Variants in CTNNA2 observed in about 807,000 individuals in gnomAD.
CTNNA2 encodes catenin alpha-2.
A neutral mutation model predicts 101.0 loss-of-function variants in CTNNA2; 42 were observed. The ratio of observed to expected loss-of-function variants is 0.42; its 90% CI spans 0.32 to 0.54. The LOEUF (loss-of-function observed/expected upper bound fraction) is 0.54. CTNNA2 is among the 20% of genes least tolerant of loss of function. CTNNA2 has a pLI of 0.14. For missense variants in CTNNA2, 871 were observed against 1,223.1 expected (o/e 0.71, Z 4.29); for synonymous variants, 450 against 456.4 (o/e 0.99, Z 0.18).
chr2:80,476,161 C>T (rs991003089), intron 9 of CTNNA2, among the ~76,000 whole-genome samples: 5 of 152,044 alleles, frequency 3.3e-5, no homozygotes, highest in Admixed American at 6.6e-5. Flanking sequence ...GAACCCATGA[C>T]CACAGATGAT....
intron 7 of CTNNA2, among the ~76,000 whole-genome samples, chr2:80,155,749 G>A (rs1237966459): frequency 1.3e-5 from 2 of 152,188 alleles, no homozygotes; most frequent in South Asian, 2.1e-4. Flanking sequence ...GTTCCCTTGG[G>A]CTATTTTGAC....
At position 80,138,160 on chromosome 2, in the gene CTNNA2, A is replaced by G. The variant is rs200591667; in HGVS notation, c.1056+228363A>G. Among the ~76,000 whole-genome samples the G allele has an allele frequency of 2.6e-5, 4 of 152,282 alleles. No individual in the cohort carries two copies. In the East Asian group the frequency reaches 7.7e-4, roughly 29 times the overall value. ...TAGCAGAAGAGGGAATAAACAATCA[A>G]TTCACCCCAGTGTCAACAGAGTGGT... On this transcript the variant is annotated intron_variant, in intron 7 of 18. Transcript: ENST00000402739.
At chr2:79,714,382 T>C (rs958439182) in intron 2 of CTNNA2, among the ~76,000 whole-genome samples, 5 of 152,194 alleles carry the variant, frequency 3.3e-5, no homozygotes, top group Admixed American at 2.6e-4. Context: ...CACTGGAGAA[T>C]TGCAGTCATG....
chr2:80,226,636 TCC>T (rs1311458312), intron 7 of CTNNA2, among the ~76,000 whole-genome samples: 1 of 152,152 alleles, frequency 6.6e-6, no homozygotes, highest in Non-Finnish European at 1.5e-5. Context: ...TCTTCATATC[TCC>T]CTCCACCCTA....
chr2:79,882,552 C>G (rs1342318500), intron 6 of CTNNA2, among the ~76,000 whole-genome samples: 1 of 152,212 alleles, frequency 6.6e-6, no homozygotes, highest in Non-Finnish European at 1.5e-5. Flanking sequence ...AGCTGTCCAG[C>G]CTCCCTGGCT....
intron 2 of CTNNA2, among the ~76,000 whole-genome samples, chr2:79,225,753 C>T (rs910371509): frequency 7.2e-5 from 11 of 152,134 alleles, no homozygotes; most frequent in African/African-American, 2.7e-4. Flanking sequence ...GAATGAGGTA[C>T]TATGTGCAGA....
chr2:80,169,280 C>G (rs779186631), intron 7 of CTNNA2, among the ~76,000 whole-genome samples: 1 of 152,030 alleles, frequency 6.6e-6, no homozygotes, highest in Non-Finnish European at 1.5e-5. Context: ...GTCATGAGCA[C>G]GAAATTCCTC....
chr2:80,347,141 G>A (rs1246592059), intron 7 of CTNNA2, among the ~76,000 whole-genome samples: 4 of 152,282 alleles, frequency 2.6e-5, no homozygotes, highest in East Asian at 1.9e-4. Context: ...AGCGAGCACC[G>A]CAGTGGCAGA....
chr2:80,185,649 T>A (rs1400355689), intron 7 of CTNNA2, among the ~76,000 whole-genome samples: 6 of 152,196 alleles, frequency 3.9e-5, no homozygotes, highest in African/African-American at 9.6e-5. Flanking sequence ...GAATGGAGTG[T>A]TTCTCAATCC....
At position 79,903,195 on chromosome 2, in the gene CTNNA2, G is replaced by T. The variant is rs116984706; in HGVS notation, c.853-6399G>T. 6.8e-4 allele frequency among the ~76,000 whole-genome samples: 103 copies of T among 152,194 alleles called. No individual in the cohort carries two copies. The East Asian group carries it at 0.019, about 29-fold the overall frequency. ...TGTCTCCTTCTCCCTCATTGTCATA[G>T]CCTATATATTTTCAAATCCTGCCAG... On this transcript the variant is annotated intron_variant, in intron 6 of 18. Transcript: ENST00000402739.
intron 3 of CTNNA2, among the ~76,000 whole-genome samples, chr2:79,369,937 A>G (rs1677833884): frequency 6.6e-6 from 1 of 152,214 alleles, no homozygotes; most frequent in African/African-American, 2.4e-5. Flanking sequence ...GTGTTTGCAT[A>G]TTATCTACAA....
At chr2:79,811,175 C>A (rs949742133) in intron 3 of CTNNA2, among the ~76,000 whole-genome samples, 2 of 152,052 alleles carry the variant, frequency 1.3e-5, no homozygotes, top group African/African-American at 4.8e-5. Flanking sequence ...TTCTGCACAA[C>A]CTCTCCAGCA....
intron 7 of CTNNA2, among the ~76,000 whole-genome samples, chr2:80,306,395 T>TTTC (rs1360564199): frequency 3.0e-5 from 4 of 135,128 alleles, no homozygotes; most frequent in African/African-American, 1.3e-4. Context: ...TTTTCTTTTC[T>TTTC]TTTCTTTTCT....
intron 7 of CTNNA2, among the ~76,000 whole-genome samples, chr2:80,314,670 A>G (rs1188943799): frequency 6.6e-6 from 1 of 152,228 alleles, no homozygotes; most frequent in East Asian, 1.9e-4. Context: ...GGAAACGTGT[A>G]AGGATGATGC....
chr2:79,733,595 G>A (rs1041398321), intron 2 of CTNNA2, among the ~76,000 whole-genome samples: 2 of 151,918 alleles, frequency 1.3e-5, no homozygotes, highest in African/African-American at 4.8e-5. Context: ...TCCTGAATTT[G>A]TGGGAACTTA....
At chr2:79,627,400 T>C (rs554137102) in intron 1 of CTNNA2, among the ~76,000 whole-genome samples, 3 of 152,286 alleles carry the variant, frequency 2.0e-5, no homozygotes, top group African/African-American at 7.2e-5. Flanking sequence ...TAAGGGAAGT[T>C]TGTGGGTTGA....
intron 7 of CTNNA2, among the ~76,000 whole-genome samples, chr2:79,958,211 TC>T: frequency 6.6e-6 from 1 of 152,288 alleles, no homozygotes; most frequent in South Asian, 2.1e-4. Flanking sequence ...AGCACTTTTT[TC>T]CTTTTTCTTT....
intron 5 of CTNNA2, 143 bp downstream of exon 5, chr2:79,870,078 G>T: frequency 1.9e-6 from 2 of 1,057,420 alleles, no homozygotes; most frequent in South Asian, 3.1e-5. Context: ...GTTGCTTCCT[G>T]CAGGGGCCAG....
chr2:80,021,956 A>G (rs569589555), intron 7 of CTNNA2, among the ~76,000 whole-genome samples: 2 of 152,366 alleles, frequency 1.3e-5, no homozygotes, highest in South Asian at 4.1e-4. Context: ...ACTACAGTTT[A>G]CAATAGTGAA....
Sources: allele counts gnomAD v4.1 joint callset (sites outside exome capture counted in the v4.1 genomes callset), GRCh38; gene constraint gnomAD v4.1.1; transcripts MANE v1.5; gene names NCBI Gene and HGNC (gene_info 2026-07-23, HGNC 2026-07-21).